PSMC6: variants seen among roughly 807,000 people sequenced by gnomAD.
PSMC6 encodes the protein 26S proteasome regulatory subunit 10B.
A neutral mutation model predicts 55.9 loss-of-function variants in PSMC6; 3 were observed. The observed-to-expected ratio is 0.05, with a 90% confidence interval of 0.02 to 0.14. PSMC6 has a LOEUF of 0.14. Ranked by LOEUF, PSMC6 falls within the 10% of genes least tolerant of loss-of-function variation. The probability of loss-of-function intolerance (pLI) is 1.00; values close to 1 mark genes in which losing one functional copy is unlikely to be tolerated. For missense variants in PSMC6, 210 were observed against 478.7 expected, an observed-to-expected ratio of 0.44 and a Z score of 5.24; for synonymous variants, 137 against 155.9, an observed-to-expected ratio of 0.88 and a Z score of 0.90.
intron 5 of PSMC6, 38 bp from the exon 6 acceptor site, chr14:52,711,372 T>C (rs377459707): frequency 2.6e-6 from 4 of 1,520,002 alleles, no homozygotes; most frequent in Non-Finnish European, 1.8e-6. Context: ...AGAGAAAATA[T>C]ATCTTTCAAA....
At chr14:52,723,679 T>G in intron 12 of PSMC6, 1 of 399,258 alleles carries the variant, frequency 2.5e-6, no homozygotes, top group Non-Finnish European at 4.0e-6. Context: ...TATCTGGAGT[T>G]CACATGTGCA....
rs1468708315 is a variant in PSMC6, at chr14:52,728,261, A to G, written c.*644A>G. 3 of 152,280 alleles carry G rather than the reference A, an allele frequency of 2.0e-5. No homozygotes were observed. The highest frequency in any genetic ancestry group is 6.5e-5 in the Admixed American group (1 of 15,284). The allele number at this position is 152,280 out of a possible 1,614,324, so 9.4% of individuals were successfully genotyped here. A position where few individuals can be genotyped will look rare whatever the true frequency, so the allele number is the denominator to read the frequency against. ...TAATTGAAAATATACATGCACATCC[A>G]TAACTTTTTAAAGAGTATGATTCAA... On this transcript the variant is annotated 3_prime_UTR_variant, in exon 14 of 14. Transcript: ENST00000445930.
Position 52,708,384 on chromosome 14 carries a change from G to C in PSMC6, c.161G>C (p.Gly54Ala). ...GATCTGAAGGCCCTACAGAGTGTTG[G>C]GCAGGTAGGTGATGGAGTTTGGGGA... is the stretch of plus-strand genomic sequence containing the variant. The part of the protein sequence containing the change: ...ENDLKALQSV[G>A]QIVGEVLKQL... Residue 54 changes from glycine to alanine, a missense_variant, in exon 2 of 14, where the codon GGG becomes GCG. Gly to Ala is a moderately conservative substitution (Grantham distance 60). Transcript: ENST00000445930. 6.2e-7 allele frequency: 1 copy of C among 1,613,584 alleles called. No individual in the cohort carries two copies.
At chr14:52,720,698 T>A (rs1594853173) in intron 10 of PSMC6, among the ~76,000 whole-genome samples, 163 bp from the exon 11 acceptor site, 1 of 152,170 alleles carries the variant, frequency 6.6e-6, no homozygotes, top group African/African-American at 2.4e-5. Flanking sequence ...AGTATATCCC[T>A]TTATATAAGA....
chr14:52,721,097 T>G lies in PSMC6; in HGVS notation c.899-13T>G. The G allele has an allele frequency of 6.3e-7, 1 of 1,583,116 alleles. No homozygotes were observed. The highest frequency in any genetic ancestry group is 8.6e-7 in the Non-Finnish European group (1 of 1,167,868). ...AGATAAAACTGGACTATAAAATAAT[T>G]TTTTATTTTCAGATATTGATTTGCC... On this transcript the variant is annotated splice_polypyrimidine_tract_variant and intron_variant, in intron 11 of 13. Coordinates refer to ENST00000445930, the MANE Select transcript of PSMC6 (RefSeq NM_002806.5).
chr14:52,723,865 C>G, intron 12 of PSMC6, 100 bp from the exon 13 acceptor site: 1 of 1,517,810 alleles, frequency 6.6e-7, no homozygotes, highest in Non-Finnish European at 8.8e-7. Context: ...TCTAGCTGAT[C>G]AAACTCAAAG....
chr14:52,718,890 G>A, intron 9 of PSMC6, 87 bp from the exon 10 acceptor site: 1 of 1,015,604 alleles, frequency 9.8e-7, no homozygotes, highest in Non-Finnish European at 1.5e-6. Context: ...AATGTTTTAA[G>A]CCACAGACTG....
At chr14:52,721,070 A>C (rs762878835) in intron 11 of PSMC6, 40 bp from the exon 12 acceptor site, 8 of 1,581,426 alleles carry the variant, frequency 5.1e-6, no homozygotes, top group Non-Finnish European at 6.9e-6. Flanking sequence ...GTATTTTAAA[A>C]AAGATAAAAC....
At position 52,727,513 on chromosome 14, in the gene PSMC6, C is replaced by A. The variant is rs1411400060; in HGVS notation, c.1066C>A (p.Arg356Ser). 1.2e-6 allele frequency: 2 copies of A among 1,610,858 alleles called. No individual in the cohort carries two copies. The highest frequency in any genetic ancestry group is 1.1e-5 in the South Asian group (1 of 90,858). The change falls in exon 14 of 14, where the codon CGT becomes AGT. Residue 356 changes from arginine (R) to serine (S), a missense_variant. By Grantham distance (110) the Arg-to-Ser change is moderately radical. Coordinates refer to ENST00000445930, the MANE Select transcript of PSMC6 (RefSeq NM_002806.5). The stretch of plus-strand genomic sequence containing the variant: ...ATTCTCTACAGGTATGTTCGCAATT[C>A]GTGCTGATCATGATTTTGTAGTACA... ...VCTEAGMFAIRADHDFVVQED... is the reference protein window; with the variant it reads ...VCTEAGMFAISADHDFVVQED...
At chr14:52,717,984 C>T (rs997948446) in intron 7 of PSMC6, 97 bp from the exon 8 acceptor site, 23 of 1,139,778 alleles carry the variant, frequency 2.0e-5, no homozygotes, top group East Asian at 2.4e-5. Context: ...GCTGTGATCT[C>T]GCCACACTCC....
chr14:52,707,209 G>A lies in PSMC6; in HGVS notation c.-11G>A, dbSNP rs1370855496. On this transcript the variant is annotated 5_prime_UTR_variant, in exon 1 of 14. Coordinates refer to ENST00000445930, the MANE Select transcript of PSMC6 (RefSeq NM_002806.5). ...ATTCCCGGCATCCCCTATGAGAGAC[G>A]GCTTCTCATCATGGCGGACCCTAGA... The A allele has an allele frequency of 1.9e-6, 3 of 1,609,004 alleles. No individual in the cohort carries two copies. Among genetic ancestry groups the A allele is most frequent in the African/African-American group, 1.3e-5 (1 of 74,702 alleles).
rs34123680 is a variant in PSMC6, at chr14:52,720,222, C to CAA, written c.778-618_778-617dup. Among the ~76,000 whole-genome samples the CAA allele has an allele frequency of 1.4e-3, 87 of 62,348 alleles. 1 individual carries two copies. Among genetic ancestry groups the CAA allele is most frequent in the African/African-American group, 4.3e-3 (63 of 14,622 alleles). The allele number at this position is 62,348 out of a possible 152,430, so 40.9% of individuals were successfully genotyped here. ...GGGTGACAGAGCGAGAGTCTGTCTC[C>CAA]AAAAAAAAAAAAAAAAAAAAAAGCA... On this transcript the variant is annotated intron_variant, in intron 10 of 13. Transcript: ENST00000445930.
At chr14:52,711,570 A>T in intron 6 of PSMC6, 46 bp downstream of exon 6, 1 of 1,320,010 alleles carries the variant, frequency 7.6e-7, no homozygotes, top group Non-Finnish European at 1.1e-6. Flanking sequence ...AATAAATACT[A>T]CTAGTTTTAG....
At chr14:52,709,679 T>C (rs928263964) in intron 4 of PSMC6, 9 of 426,598 alleles carry the variant, frequency 2.1e-5, no homozygotes, top group Non-Finnish European at 4.1e-5. Flanking sequence ...GAAGTATATA[T>C]AAGTTGAGTA....
At chr14:52,718,018 C>G in intron 7 of PSMC6, 63 bp from the exon 8 acceptor site, 1 of 1,481,158 alleles carries the variant, frequency 6.8e-7, no homozygotes, top group East Asian at 2.3e-5. Context: ...GAGTGATTGC[C>G]TGTCTCAAAA....
At chr14:52,710,207 C>T (rs2041754511) in intron 4 of PSMC6, 1 of 152,334 alleles carries the variant, frequency 6.6e-6, no homozygotes, top group Non-Finnish European at 1.5e-5. Flanking sequence ...GTGGGCAGAT[C>T]ACGAGGTCAG....
intron 13 of PSMC6, among the ~76,000 whole-genome samples, chr14:52,726,320 A>G (rs1438708688): frequency 6.6e-6 from 1 of 152,222 alleles, no homozygotes; most frequent in Non-Finnish European, 1.5e-5. Context: ...TCAAATATGA[A>G]TCAAATAAAA....
At chr14:52,721,283 A>G in intron 12 of PSMC6, 93 bp downstream of exon 12, 1 of 1,063,276 alleles carries the variant, frequency 9.4e-7, no homozygotes, top group Non-Finnish European at 1.3e-6. Flanking sequence ...ATCTGGTTTT[A>G]AATTCAGCAA....
At chr14:52,726,536 T>TA (rs1245588116) in intron 13 of PSMC6, among the ~76,000 whole-genome samples, 2 of 152,346 alleles carry the variant, frequency 1.3e-5, no homozygotes. Flanking sequence ...CAAGTTAAGT[T>TA]ACGCTTAAAA....
Sources: gnomAD v4.1 joint callset for allele counts (sites outside exome capture counted in the v4.1 genomes callset) on GRCh38, gnomAD v4.1.1 for gene constraint, MANE v1.5 for transcripts, NCBI Gene and HGNC (gene_info 2026-07-23, HGNC 2026-07-21) for gene names.